The following GARIN1B variants were observed in gnomAD, a reference collection of about 807,000 sequenced individuals.
GARIN1B encodes the protein Golgi-associated RAB2 interactor protein 1B.
chr7:128,722,766 T>C, the GARIN1B span, among the ~76,000 whole-genome samples: 1 of 151,934 alleles, frequency 6.6e-6, no homozygotes, highest in African/African-American at 2.4e-5. Context: ...ATCGCACCAC[T>C]GCACTCCAGC....
chr7:128,718,392 A>G, the GARIN1B span, among the ~76,000 whole-genome samples: 91 of 149,880 alleles, frequency 6.1e-4, no homozygotes, highest in Admixed American at 9.4e-4. Flanking sequence ...AGATCGTGCC[A>G]TTGCACTCCA....
chr7:128,729,828 C>A, the GARIN1B span: 8 of 1,514,716 alleles, frequency 5.3e-6, no homozygotes, highest in African/African-American at 1.4e-5. Context: ...AAGCACCCCC[C>A]CAAATGTCAG....
At chr7:128,726,947 C>G in the GARIN1B span, 1 of 1,357,738 alleles carries the variant, frequency 7.4e-7, no homozygotes, top group Admixed American at 1.8e-5. Context: ...CCTCCAGCCC[C>G]CATCCTGGTT....
chr7:128,719,162 C>A, the GARIN1B span: 1 of 1,476,432 alleles, frequency 6.8e-7, no homozygotes, highest in African/African-American at 1.4e-5. Context: ...ATGTGAGTGC[C>A]CTATGAAGGT....
chr7:128,715,195 T>C, the GARIN1B span: 12 of 958,208 alleles, frequency 1.3e-5, no homozygotes, highest in East Asian at 9.2e-4. Flanking sequence ...GGGAGGACTA[T>C]GTCCTGGGGT....
the GARIN1B span, among the ~76,000 whole-genome samples, chr7:128,728,357 G>A: frequency 2.0e-5 from 3 of 151,984 alleles, no homozygotes; most frequent in African/African-American, 7.3e-5. Context: ...CAGGAGAATC[G>A]CTTGAATCTG....
the GARIN1B span, among the ~76,000 whole-genome samples, chr7:128,722,294 A>G: frequency 6.6e-6 from 1 of 152,166 alleles, no homozygotes; most frequent in South Asian, 2.1e-4. Context: ...AACTCCATGA[A>G]GGCAGGGGTT....
the GARIN1B span, chr7:128,731,637 G>C: frequency 6.1e-6 from 1 of 163,144 alleles, no homozygotes; most frequent in African/African-American, 2.4e-5. Context: ...TTTCTTCCCT[G>C]CTCAGACCAT....
the GARIN1B span, chr7:128,731,146 A>G: frequency 1.9e-6 from 3 of 1,594,382 alleles, no homozygotes; most frequent in African/African-American, 4.0e-5. Context: ...AATCTATGCA[A>G]GCCTCGTCAA....
At chr7:128,718,838 C>T in the GARIN1B span, 4 of 1,613,584 alleles carry the variant, frequency 2.5e-6, no homozygotes, top group Non-Finnish European at 3.4e-6. Flanking sequence ...CAGGATTCTC[C>T]CATTGAGGTT....
the GARIN1B span, among the ~76,000 whole-genome samples, chr7:128,710,216 T>A: frequency 2.0e-5 from 3 of 152,110 alleles, no homozygotes. Flanking sequence ...CACCCAGCCC[T>A]GCTAGACAAA....
chr7:128,716,829 A>C, the GARIN1B span: 48 of 1,611,366 alleles, frequency 3.0e-5, no homozygotes, highest in Non-Finnish European at 3.9e-5. Flanking sequence ...AGGGGCAGGA[A>C]TTGGAGAGAC....
At chr7:128,729,983 A>G in the GARIN1B span, 1 of 1,614,112 alleles carries the variant, frequency 6.2e-7, no homozygotes, top group Non-Finnish European at 8.5e-7. Context: ...GGAGAGTGGG[A>G]AAGAGAGAAC....
At chr7:128,724,049 C>T in the GARIN1B span, among the ~76,000 whole-genome samples, 2 of 152,180 alleles carry the variant, frequency 1.3e-5, no homozygotes, top group Non-Finnish European at 2.9e-5. Context: ...CTCACTCTGT[C>T]GCCCAGGCTG....
the GARIN1B span, among the ~76,000 whole-genome samples, chr7:128,720,335 A>G: frequency 6.6e-6 from 1 of 151,770 alleles, no homozygotes; most frequent in Admixed American, 6.6e-5. Context: ...AGTAGCTGGG[A>G]TTACAAGCAT....
At chr7:128,711,658 G>GACACACACACACAC in the GARIN1B span, among the ~76,000 whole-genome samples, 5 of 144,870 alleles carry the variant, frequency 3.5e-5, no homozygotes, top group African/African-American at 1.3e-4. Flanking sequence ...TGGTTTTACA[G>GACACACACACACAC]ACACACACAC....
the GARIN1B span, among the ~76,000 whole-genome samples, chr7:128,713,693 A>G: frequency 6.6e-6 from 1 of 152,220 alleles, no homozygotes; most frequent in Non-Finnish European, 1.5e-5. Context: ...TGGGCACCCA[A>G]GCCTTCTTCC....
At chr7:128,719,697 C>CTTTTTTTT in the GARIN1B span, among the ~76,000 whole-genome samples, 3 of 99,022 alleles carry the variant, frequency 3.0e-5, no homozygotes, top group Non-Finnish European at 5.8e-5. Flanking sequence ...TTTTGTTTTG[C>CTTTTTTTT]TTTTTTTTTT....
chr7:128,723,949 C>A, the GARIN1B span, among the ~76,000 whole-genome samples: 1 of 152,220 alleles, frequency 6.6e-6, no homozygotes, highest in Non-Finnish European at 1.5e-5. Context: ...AGTTCTCCAA[C>A]AATGAGGATA....
Sources: gnomAD v4.1 joint callset for allele counts (sites outside exome capture counted in the v4.1 genomes callset) on GRCh38, gnomAD v4.1.1 for gene constraint, MANE v1.5 for transcripts, NCBI Gene and HGNC (gene_info 2026-07-23, HGNC 2026-07-21) for gene names.